Variants in PACRG observed in about 807,000 individuals in gnomAD.
The protein encoded by PACRG is parkin coregulated.
Under a neutral mutation model 29.7 loss-of-function variants are expected in PACRG, and 29 were observed. The observed-to-expected ratio is 0.98, with a 90% confidence interval of 0.73 to 1.33. The LOEUF (loss-of-function observed/expected upper bound fraction) is 1.33. Among genes scored for constraint, PACRG ranks in the 40% most tolerant of loss-of-function variants. The pLI, the probability that PACRG is intolerant of heterozygous loss-of-function variation, is 0.00. For synonymous variants in PACRG, 116 were observed against 118.7 expected (o/e 0.98, Z 0.15); for missense variants, 279 against 316.2 (o/e 0.88, Z 0.89).
intron 1 of PACRG, among the ~76,000 whole-genome samples, chr6:162,747,336 ATATATATATATATATATATATATATAT>A (rs1562555993): frequency 1.5e-5 from 1 of 66,502 alleles, no homozygotes; most frequent in African/African-American, 9.8e-5. Context: ...ATATATATAT[ATATATATATATATATATATATATATAT>A]ACACATACAT....
chr6:163,086,347 C>T (rs781737263), intron 3 of PACRG, among the ~76,000 whole-genome samples: 2 of 152,194 alleles, frequency 1.3e-5, no homozygotes, highest in Non-Finnish European at 2.9e-5. Context: ...TCTTGAATAT[C>T]TCATGACTCC....
chr6:162,727,793 C>A, upstream of PACRG: 3 of 1,042,432 alleles, frequency 2.9e-6, no homozygotes, highest in Non-Finnish European at 2.8e-6. Flanking sequence ...CCGCGCCCGG[C>A]CCTAGGAATG....
chr6:163,210,042 C>T (rs1781070811), intron 4 of PACRG, among the ~76,000 whole-genome samples: 1 of 152,184 alleles, frequency 6.6e-6, no homozygotes, highest in African/African-American at 2.4e-5. Context: ...GTTAATTGAG[C>T]TTTGGCAAAT....
At chr6:163,182,485 A>G (rs569791145) in intron 4 of PACRG, 100 of 152,358 alleles carry the variant, frequency 6.6e-4, no homozygotes, top group African/African-American at 2.4e-3. Context: ...TGTGCTGCTG[A>G]AACAGTCACA....
chr6:162,880,813 C>T (rs1035123991), intron 2 of PACRG, among the ~76,000 whole-genome samples: 2 of 152,236 alleles, frequency 1.3e-5, no homozygotes, highest in African/African-American at 4.8e-5. Flanking sequence ...CTACACATCG[C>T]TTTCATCTGA....
intron 2 of PACRG, chr6:163,051,849 C>T (rs1222950981): frequency 6.6e-6 from 1 of 152,140 alleles, no homozygotes; most frequent in Non-Finnish European, 1.5e-5. Context: ...TTGCATTGGG[C>T]ATATTTTGTT....
intron 4 of PACRG, among the ~76,000 whole-genome samples, chr6:163,305,300 A>G (rs1454448024): frequency 3.9e-5 from 6 of 152,246 alleles, no homozygotes. Context: ...AAGTGACTTC[A>G]ATGTGGCTTT....
intron 1 of PACRG, among the ~76,000 whole-genome samples, chr6:162,793,185 T>C (rs1162381904): frequency 6.6e-6 from 1 of 152,226 alleles, no homozygotes; most frequent in Non-Finnish European, 1.5e-5. Context: ...TTCTACTTAT[T>C]CAGGATTGTT....
At chr6:163,107,658 G>T (rs1191021306) in intron 4 of PACRG, among the ~76,000 whole-genome samples, 1 of 152,174 alleles carries the variant, frequency 6.6e-6, no homozygotes, top group African/African-American at 2.4e-5. Context: ...AGTTTCCATA[G>T]ATTTCTTGGT....
chr6:162,994,742 G>A (rs1239086346), intron 2 of PACRG, among the ~76,000 whole-genome samples: 3 of 149,436 alleles, frequency 2.0e-5, no homozygotes, highest in Admixed American at 1.3e-4. Flanking sequence ...CTCTCAGCTC[G>A]TCAAAGTCAT....
At chr6:162,844,161 G>T (rs556835741) in intron 2 of PACRG, among the ~76,000 whole-genome samples, 70 of 145,108 alleles carry the variant, frequency 4.8e-4, no homozygotes, top group Admixed American at 6.9e-4. Flanking sequence ...GTTTACCTAA[G>T]CAAGCCTGGG....
At chr6:163,102,114 G>A (rs1194214989) in intron 4 of PACRG, among the ~76,000 whole-genome samples, 5 of 152,176 alleles carry the variant, frequency 3.3e-5, no homozygotes, top group Non-Finnish European at 4.4e-5. Flanking sequence ...GAGGGGTGAA[G>A]GAGGTTTTCA....
At chr6:163,312,386 A>T (rs1785456979) in intron 4 of PACRG, among the ~76,000 whole-genome samples, 1 of 152,138 alleles carries the variant, frequency 6.6e-6, no homozygotes, top group South Asian at 2.1e-4. Flanking sequence ...GTTGCTTTTC[A>T]TCCTGCCCAC....
chr6:163,009,033 T>G (rs1805381801), intron 2 of PACRG, among the ~76,000 whole-genome samples: 1 of 152,208 alleles, frequency 6.6e-6, no homozygotes, highest in Non-Finnish European at 1.5e-5. Context: ...CAACAGACTT[T>G]GATTATTTTT....
At chr6:163,149,090 G>A (rs1002525096) in intron 4 of PACRG, among the ~76,000 whole-genome samples, 1 of 151,678 alleles carries the variant, frequency 6.6e-6, no homozygotes, top group Non-Finnish European at 1.5e-5. Context: ...GCCCTGCAGG[G>A]CCGTGGCTGG....
chr6:163,241,833 G>A (rs1381310258), intron 4 of PACRG, among the ~76,000 whole-genome samples: 4 of 152,170 alleles, frequency 2.6e-5, no homozygotes, highest in Admixed American at 1.3e-4. Flanking sequence ...GGGGGGGCAC[G>A]GGCTGGGGAT....
At chr6:163,200,612 C>T (rs763919070) in intron 4 of PACRG, among the ~76,000 whole-genome samples, 5 of 152,058 alleles carry the variant, frequency 3.3e-5, no homozygotes, top group Non-Finnish European at 5.9e-5. Flanking sequence ...AGGACTGCAC[C>T]GAGAGTCTTT....
chr6:163,296,451 C>T (rs920367925), intron 4 of PACRG, among the ~76,000 whole-genome samples: 14 of 152,168 alleles, frequency 9.2e-5, no homozygotes, highest in Non-Finnish European at 1.9e-4. Flanking sequence ...CCCGCCACCA[C>T]GCCCGGCTAA....
intron 4 of PACRG, among the ~76,000 whole-genome samples, chr6:163,177,710 A>ATTTTTTGTTTTTTT: frequency 1.9e-5 from 1 of 53,744 alleles, no homozygotes; most frequent in Non-Finnish European, 3.1e-5. Flanking sequence ...TAGAAAAGGG[A>ATTTTTTGTTTTTTT]TTTTTTTTTT....
Sources: allele counts gnomAD v4.1 joint callset (sites outside exome capture counted in the v4.1 genomes callset), GRCh38; gene constraint gnomAD v4.1.1; transcripts MANE v1.5; gene names NCBI Gene and HGNC (gene_info 2026-07-23, HGNC 2026-07-21).